The following TRPM5 variants were observed in gnomAD, a reference collection of about 807,000 sequenced individuals.
TRPM5 encodes transient receptor potential cation channel subfamily M member 5, also known as MLSN1 and TRP-related.
Under a neutral mutation model 124.9 loss-of-function variants are expected in TRPM5, and 121 were observed. That is an observed-to-expected ratio of 0.97 (90% CI 0.84 to 1.13). The LOEUF is 1.13. Among genes scored for constraint, TRPM5 ranks in the 50% most tolerant of loss-of-function variants. The pLI is 0.00. For missense variants in TRPM5, 1,643 were observed against 1,589.1 expected, an observed-to-expected ratio of 1.03 and a Z score of -0.58; for synonymous variants, 781 against 700.5, an observed-to-expected ratio of 1.11 and a Z score of -1.81.
chr11:2,417,710 ACCCTGCCCG>A lies in TRPM5; in HGVS notation c.1009+8_1009+16del. 5 of 335,670 alleles carry A rather than the reference ACCCTGCCCG, an allele frequency of 1.5e-5. No homozygotes were observed. The highest frequency in any genetic ancestry group is 2.8e-5 in the Non-Finnish European group (5 of 175,830). 20.8% of individuals were successfully genotyped at this position (335,670 alleles called of 1,614,324 possible). On this transcript the variant is annotated splice_region_variant and intron_variant, in intron 7 of 23. Coordinates refer to ENST00000155858, the Ensembl canonical transcript of TRPM5. ...CCCCCCAATGGCGCCTGCCTTGCCC[ACCCTGCCCG>A]CCCTCACCTTTCACCAGCGCCTTCA...
At chr11:2,405,101 G>T in intron 23 of TRPM5, 58 bp from the exon 29 acceptor site, 2 of 1,469,000 alleles carry the variant, frequency 1.4e-6, no homozygotes, top group East Asian at 2.3e-5. Context: ...GCCCAGGAAG[G>T]GGAGAGGTAG....
chr11:2,413,308 T>G, intron 13 of TRPM5, 82 bp from the exon 19 acceptor site: 1 of 1,392,226 alleles, frequency 7.2e-7, no homozygotes, highest in Non-Finnish European at 9.6e-7. Context: ...GCCATCAAAG[T>G]GCCCACTGGG....
At chr11:2,406,546 C>T in intron 21 of TRPM5, 115 bp downstream of exon 26, 1 of 1,393,390 alleles carries the variant, frequency 7.2e-7, no homozygotes, top group Non-Finnish European at 9.8e-7. Context: ...AGAGCCCTGC[C>T]CCTACCCCTT....
intron 20 of TRPM5, 117 bp downstream of exon 25, chr11:2,407,002 A>G: frequency 7.4e-7 from 1 of 1,349,406 alleles, no homozygotes; most frequent in South Asian, 1.5e-5. Context: ...CCAGCTGAGG[A>G]CCCACAGGGC....
chr11:2,414,009 GCC>G, intron 12 of TRPM5, 50 bp downstream of exon 17: 39 of 1,023,712 alleles, frequency 3.8e-5, no homozygotes, highest in East Asian at 1.1e-4. Context: ...GGCCCAGCTC[GCC>G]CGCCCACCCC....
chr11:2,406,520 G>T (rs1850326092), intron 21 of TRPM5, 141 bp downstream of exon 26: 1 of 1,171,710 alleles, frequency 8.5e-7, no homozygotes, highest in Non-Finnish European at 1.2e-6. Flanking sequence ...GGAAAGCTAG[G>T]CCCCTGGGCT....
At chr11:2,407,357 G>A (rs773538776) in intron 19 of TRPM5, 57 bp from the exon 25 acceptor site, 18 of 1,494,774 alleles carry the variant, frequency 1.2e-5, no homozygotes, top group South Asian at 4.9e-5. Flanking sequence ...CTTGGGGGAC[G>A]CATCCCCCTG....
intron 7 of TRPM5, 105 bp from the exon 13 acceptor site, chr11:2,416,129 A>C: frequency 1.3e-6 from 1 of 755,920 alleles, no homozygotes; most frequent in East Asian, 2.7e-5. Context: ...CGGAAACGGG[A>C]ACTTCACGCT....
rs777819823 is a variant in TRPM5 at position 2,412,181 on chromosome 11, A to G, written c.2428T>C (p.Cys810Arg). 4 of 1,613,452 alleles carry G rather than the reference A, an allele frequency of 2.5e-6. No individual in the cohort carries two copies. In the South Asian group the frequency reaches 4.4e-5, roughly 18 times the overall value. Residue 810 changes from cysteine (C) to arginine (R), a missense_variant, in exon 16 of 24, where the codon TGT (cysteine) becomes CGT (arginine). By Grantham distance (180) the Cys-to-Arg change is radical (BLOSUM62 -3). Coordinates refer to ENST00000155858, the Ensembl canonical transcript of TRPM5. ...AACAGGAAGATGGCCACCATGTCAC[A>G]CTTGTTCCAGTTGTCCCCCACATAC...
chr11:2,409,755 G>A (rs1320042722), intron 18 of TRPM5, among the ~76,000 whole-genome samples: 1 of 152,116 alleles, frequency 6.6e-6, no homozygotes, highest in East Asian at 1.9e-4. Flanking sequence ...GAGGGGAAGT[G>A]ACAAGTCTGA....
exon 9 of TRPM5, chr11:2,415,342 G>C (rs150569133): frequency 6.3e-7 from 1 of 1,585,532 alleles, no homozygotes; most frequent in Admixed American, 1.7e-5. Flanking sequence ...GACACGGAGC[G>C]GTAGAGCTCC....
intron 18 of TRPM5, 64 bp downstream of exon 23, chr11:2,411,288 C>A (rs1850445714): frequency 2.0e-6 from 3 of 1,471,002 alleles, no homozygotes; most frequent in African/African-American, 1.4e-5. Context: ...GCCTCATGCC[C>A]AGGGCTTGTG....
chr11:2,430,981 T>C, the TRPM5 span, among the ~76,000 whole-genome samples: 1 of 152,084 alleles, frequency 6.6e-6, no homozygotes, highest in African/African-American at 2.4e-5. Flanking sequence ...ACAGGGATGA[T>C]GCTGGTCGTG....
chr11:2,406,269 A>C (rs141945070), intron 21 of TRPM5, among the ~76,000 whole-genome samples, 178 bp from the exon 27 acceptor site: 1 of 152,130 alleles, frequency 6.6e-6, no homozygotes, highest in Non-Finnish European at 1.5e-5. Context: ...CACCTGGTGC[A>C]GTACAGAGCG....
At chr11:2,417,932 G>A (rs2133527299) in intron 6 of TRPM5, 103 bp from the exon 12 acceptor site, 1 of 1,195,548 alleles carries the variant, frequency 8.4e-7, no homozygotes, top group South Asian at 1.4e-5. Flanking sequence ...GTCCCCAGGT[G>A]AGCCTTGCAG....
At chr11:2,437,405 T>TG in the TRPM5 span, among the ~76,000 whole-genome samples, 7 of 151,978 alleles carry the variant, frequency 4.6e-5, no homozygotes, top group Admixed American at 4.6e-4. The surrounding 1 kb of genome is among the most constrained non-coding windows in gnomAD (Gnocchi z 5.6). Flanking sequence ...TGCTTCTGGG[T>TG]GGGGGGTGCC....
chr11:2,419,114 G>A (rs555128668), intron 4 of TRPM5, among the ~76,000 whole-genome samples: 1 of 152,306 alleles, frequency 6.6e-6, no homozygotes, highest in East Asian at 1.9e-4. Flanking sequence ...TGAACTGCCT[G>A]GAGGTGCCTT....
At chr11:2,408,552 T>G (rs974570425) in intron 18 of TRPM5, among the ~76,000 whole-genome samples, 7 of 152,252 alleles carry the variant, frequency 4.6e-5, no homozygotes, top group African/African-American at 1.7e-4. Context: ...CGGCACACTC[T>G]GGGAGCTTGC....
the TRPM5 span, among the ~76,000 whole-genome samples, chr11:2,436,832 AC>A: frequency 6.6e-6 from 1 of 152,322 alleles, no homozygotes; most frequent in African/African-American, 2.4e-5. Context: ...GGAGCATGAG[AC>A]CAGCTCAGAG....
Sources: allele counts gnomAD v4.1 joint callset (sites outside exome capture counted in the v4.1 genomes callset), GRCh38; gene constraint gnomAD v4.1.1; non-coding constraint Gnocchi (gnomAD v3.1); transcripts MANE v1.5; gene names NCBI Gene and HGNC (gene_info 2026-07-23, HGNC 2026-07-21).